The following BNC2 variants were observed in gnomAD, a reference collection of about 807,000 sequenced individuals.
BNC2 encodes the protein zinc finger protein basonuclin-2.
Under a neutral mutation model 76.3 loss-of-function variants are expected in BNC2, and 20 were observed. The observed-to-expected ratio is 0.26, with a 90% CI of 0.18 to 0.38. The LOEUF (loss-of-function observed/expected upper bound fraction) is 0.38, where lower values mean the gene tolerates loss of function less well. Among genes scored for constraint, BNC2 ranks in the 10% least tolerant of loss-of-function variants. The pLI is 1.00. For synonymous variants in BNC2, 582 were observed against 514.8 expected, an observed-to-expected ratio of 1.13 and a Z score of -1.77; for missense variants, 1,382 against 1,399.8, an observed-to-expected ratio of 0.99 and a Z score of 0.20.
intron 1 of BNC2, among the ~76,000 whole-genome samples, chr9:16,869,170 T>C (rs7019267): frequency 0.11 from 16,627 of 152,164 alleles, 1,172 homozygotes; most frequent in South Asian, 0.2. Flanking sequence ...ATTGTTGTGA[T>C]GTCTCACTTA....
chr9:16,755,986 A>G (rs560916422), intron 1 of BNC2, among the ~76,000 whole-genome samples: 1 of 152,328 alleles, frequency 6.6e-6, no homozygotes, highest in Admixed American at 6.5e-5. Context: ...GATACGTCTA[A>G]GTCATGTGCC....
In BNC2 at chr9:16,578,729, G is replaced by A. The variant is rs112666028; in HGVS notation, c.433+4254C>T. ...ATCTTAATCTTATTTTGCCACTTTC[G>A]AACCAAAAAGAGCTCTAAAAAACTT... On this transcript the variant is annotated intron_variant, in intron 4 of 6. Coordinates refer to ENST00000380672, the MANE Select transcript of BNC2 (RefSeq NM_017637.6). Among the ~76,000 whole-genome samples the A allele has an allele frequency of 7.6e-3, 1,156 of 151,866 alleles. 30 individuals are homozygous for A. The South Asian group carries it at 0.093, about 12-fold the overall frequency.
intron 1 of BNC2, among the ~76,000 whole-genome samples, chr9:16,869,134 T>TC (rs1199215091): frequency 1.3e-5 from 2 of 151,990 alleles, no homozygotes; most frequent in Non-Finnish European, 2.9e-5. Flanking sequence ...AGAAAAACTC[T>TC]CAAGCTCTAA....
intron 1 of BNC2, among the ~76,000 whole-genome samples, chr9:16,765,263 T>C (rs1467079314): frequency 2.0e-5 from 3 of 152,200 alleles, no homozygotes; most frequent in Non-Finnish European, 4.4e-5. Flanking sequence ...AATGTAATTT[T>C]ATGAATTGAA....
At chr9:16,677,684 AC>A (rs1164492090) in intron 3 of BNC2, among the ~76,000 whole-genome samples, 8 of 152,030 alleles carry the variant, frequency 5.3e-5, no homozygotes, top group Non-Finnish European at 1.0e-4. Context: ...AAGTGTTTCA[AC>A]CTGAATGTCT....
intron 3 of BNC2, among the ~76,000 whole-genome samples, chr9:16,709,575 G>C (rs1823774738): frequency 1.3e-5 from 2 of 152,162 alleles, no homozygotes; most frequent in Admixed American, 6.5e-5. Context: ...GCATTCAGGA[G>C]CCTCATTAGA....
At chr9:16,818,088 A>G (rs968765011) in intron 1 of BNC2, among the ~76,000 whole-genome samples, 1 of 152,162 alleles carries the variant, frequency 6.6e-6, no homozygotes, top group Non-Finnish European at 1.5e-5. Context: ...CAAGCCTGCA[A>G]CTGCAACTAT....
intron 5 of BNC2, among the ~76,000 whole-genome samples, chr9:16,448,024 G>T (rs571810567): frequency 1.4e-4 from 22 of 152,178 alleles, no homozygotes; most frequent in African/African-American, 5.1e-4. Flanking sequence ...ACTAGAAACA[G>T]GAGGAAAGAA....
intron 3 of BNC2, among the ~76,000 whole-genome samples, chr9:16,715,683 C>T (rs1268942176): frequency 6.6e-6 from 1 of 152,168 alleles, no homozygotes; most frequent in African/African-American, 2.4e-5. Flanking sequence ...TGGTAACAAT[C>T]GGCTGGAACC....
At chr9:16,734,508 TCTC>T (rs1411030180) in intron 2 of BNC2, among the ~76,000 whole-genome samples, 28 of 152,154 alleles carry the variant, frequency 1.8e-4, no homozygotes, top group African/African-American at 6.8e-4. Context: ...AACTCTACCT[TCTC>T]CAGATGGTTC....
intron 2 of BNC2, among the ~76,000 whole-genome samples, chr9:16,736,744 G>A (rs561536064): frequency 6.6e-6 from 1 of 151,374 alleles, no homozygotes; most frequent in South Asian, 2.1e-4. Flanking sequence ...AAAGTGCTGG[G>A]ATTACAGGTA....
At chr9:16,541,627 T>G (rs988921602) in intron 5 of BNC2, among the ~76,000 whole-genome samples, 1 of 152,220 alleles carries the variant, frequency 6.6e-6, no homozygotes, top group Admixed American at 6.5e-5. Context: ...TAATTCAAAA[T>G]TTCTCAATGT....
chr9:16,655,414 G>C (rs1821902980), intron 3 of BNC2, among the ~76,000 whole-genome samples: 1 of 152,110 alleles, frequency 6.6e-6, no homozygotes, highest in Non-Finnish European at 1.5e-5. Context: ...CCGACAGTAT[G>C]AGACTCAGGT....
intron 3 of BNC2, among the ~76,000 whole-genome samples, chr9:16,639,558 T>G (rs1355182213): frequency 6.6e-6 from 1 of 152,134 alleles, no homozygotes; most frequent in African/African-American, 2.4e-5. Context: ...TTTATGTCCT[T>G]ATTAACAACA....
chr9:16,861,634 A>T (rs1358950396), intron 1 of BNC2, among the ~76,000 whole-genome samples: 6 of 152,168 alleles, frequency 3.9e-5, no homozygotes, highest in Admixed American at 3.9e-4. Context: ...CTTCATAGTC[A>T]CTAGTATGAT....
rs74612336 is a variant in BNC2 at position 16,482,232 on chromosome 9, T to A, written c.670-44708A>T. On this transcript the variant is annotated intron_variant, in intron 5 of 6. Transcript: ENST00000380672. The stretch of plus-strand genomic sequence containing the variant: ...TAAGTTTAATCTTGGCCAAACACAG[T>A]CTTCCAGCAGATTGCATCATAAAGG... 3.2e-3 allele frequency among the ~76,000 whole-genome samples: 483 copies of A among 152,312 alleles called. 7 individuals are homozygous for A. In the East Asian group the frequency reaches 0.064, roughly 20 times the overall value.
At chr9:16,518,355 A>G (rs1216329518) in intron 5 of BNC2, among the ~76,000 whole-genome samples, 2 of 152,010 alleles carry the variant, frequency 1.3e-5, no homozygotes, top group Non-Finnish European at 1.5e-5. Flanking sequence ...GATTGCAAAA[A>G]CCCAGGAGGT....
At chr9:16,442,893 G>T (rs542791224) in intron 5 of BNC2, among the ~76,000 whole-genome samples, 1,643 of 151,912 alleles carry the variant, frequency 0.011, 11 homozygotes, top group Non-Finnish European at 0.018. Context: ...ATCACCTGGG[G>T]TCAGGAATTC....
intron 6 of BNC2, chr9:16,431,506 G>A: frequency 2.1e-6 from 1 of 468,760 alleles, no homozygotes; most frequent in Non-Finnish European, 4.4e-6. Context: ...GATTTCATAT[G>A]TATACTTCAT....
Sources: allele counts gnomAD v4.1 joint callset (sites outside exome capture counted in the v4.1 genomes callset), GRCh38; gene constraint gnomAD v4.1.1; transcripts MANE v1.5; gene names NCBI Gene and HGNC (gene_info 2026-07-23, HGNC 2026-07-21).